Variants in PEX13 observed in about 807,000 individuals in gnomAD.
PEX13 encodes the protein peroxisomal biogenesis factor 13, also known as peroxisome biogenesis factor 13.
Under a neutral mutation model 34.5 loss-of-function variants are expected in PEX13, and 28 were observed. That is an observed-to-expected ratio of 0.81 (90% CI 0.60 to 1.11). The LOEUF (loss-of-function observed/expected upper bound fraction) is 1.11, where lower values mean the gene tolerates loss of function less well. PEX13 is among the 50% of genes most tolerant of loss of function. The probability of loss-of-function intolerance (pLI) is 0.00; values close to 1 mark genes in which losing one functional copy is unlikely to be tolerated. For missense variants in PEX13, 550 were observed against 491.0 expected (o/e 1.12, Z -1.13); for synonymous variants, 177 against 175.1 (o/e 1.01, Z -0.09).
chr2:61,023,725 C>G (rs936998217), intron 1 of PEX13, among the ~76,000 whole-genome samples: 2 of 142,142 alleles, frequency 1.4e-5, no homozygotes, highest in African/African-American at 5.2e-5. Context: ...TAAGTTTTTC[C>G]TGACTTCTTT....
chr2:61,027,240 A>G (rs1680373275), intron 1 of PEX13, among the ~76,000 whole-genome samples: 2 of 148,722 alleles, frequency 1.3e-5, no homozygotes, highest in Admixed American at 6.7e-5. Flanking sequence ...TGGGAAGCTG[A>G]GGTGGGAGGG....
At chr2:61,034,164 T>G (rs986195501) in intron 2 of PEX13, among the ~76,000 whole-genome samples, 12 of 151,984 alleles carry the variant, frequency 7.9e-5, no homozygotes, top group African/African-American at 2.9e-4. Context: ...ACCCGGTTAA[T>G]TTTTTGTATT....
chr2:61,038,837 G>A (rs1680575786), intron 2 of PEX13, among the ~76,000 whole-genome samples: 1 of 152,110 alleles, frequency 6.6e-6, no homozygotes, highest in South Asian at 2.1e-4. Context: ...CAGATGACAT[G>A]GTTGTATATT....
chr2:61,039,504 A>G (rs945516659), intron 2 of PEX13, among the ~76,000 whole-genome samples: 2 of 152,240 alleles, frequency 1.3e-5, no homozygotes, highest in Non-Finnish European at 2.9e-5. Context: ...AGGATTCCCT[A>G]TTTAATAAAT....
intron 1 of PEX13, among the ~76,000 whole-genome samples, chr2:61,023,476 G>C (rs186198757): frequency 3.1e-4 from 47 of 151,626 alleles, no homozygotes; most frequent in Admixed American, 6.6e-4. Context: ...TCAGTCTGAG[G>C]ATTCATTTCT....
chr2:61,018,288 G>A (rs778224332), intron 1 of PEX13: 2 of 1,550,342 alleles, frequency 1.3e-6, no homozygotes, highest in Middle Eastern at 1.7e-4. Context: ...AGAAGTTGCT[G>A]AAAGCCGGAA....
At chr2:61,043,744 T>C (rs1229653889) in intron 2 of PEX13, among the ~76,000 whole-genome samples, 1 of 152,218 alleles carries the variant, frequency 6.6e-6, no homozygotes, top group Non-Finnish European at 1.5e-5. Flanking sequence ...ATTGTCAGTT[T>C]TGTGAATTTT....
At chr2:61,038,629 A>G (rs572658043) in intron 2 of PEX13, among the ~76,000 whole-genome samples, 11 of 152,344 alleles carry the variant, frequency 7.2e-5, no homozygotes, top group Middle Eastern at 3.4e-3. Flanking sequence ...GGTATTTATG[A>G]CAAATCCACA....
At chr2:61,030,504 G>A (rs1158327516) in intron 1 of PEX13, among the ~76,000 whole-genome samples, 3 of 152,162 alleles carry the variant, frequency 2.0e-5, no homozygotes, top group Admixed American at 6.5e-5. Flanking sequence ...CAAGCATAGT[G>A]CTGAAGTGAT....
rs1193386347 is a variant in PEX13, at chr2:61,051,028, A to T, written c.*2258A>T. On this transcript the variant is annotated 3_prime_UTR_variant, in exon 4 of 4. Coordinates refer to ENST00000295030, the MANE Select transcript of PEX13 (RefSeq NM_002618.4). Reference sequence around the variant, plus strand: ...TACATACCCAGCATAGAAGAACTTTACTAAAGGCTTCTTGGAAAGCCCTTT... The same window carrying T: ...TACATACCCAGCATAGAAGAACTTTTCTAAAGGCTTCTTGGAAAGCCCTTT... 1 of 152,398 alleles carries T rather than the reference A, an allele frequency of 6.6e-6. No homozygotes were observed. Among genetic ancestry groups the T allele is most frequent in the Non-Finnish European group, 1.5e-5 (1 of 68,040 alleles). 9.4% of individuals were successfully genotyped at this position (152,398 alleles called of 1,614,324 possible).
intron 2 of PEX13, among the ~76,000 whole-genome samples, chr2:61,042,926 G>T (rs948489875): frequency 2.0e-5 from 3 of 152,182 alleles, no homozygotes; most frequent in Non-Finnish European, 2.9e-5. Context: ...TGACCCAATG[G>T]ATATTAATAC....
intron 1 of PEX13, among the ~76,000 whole-genome samples, chr2:61,020,296 C>G (rs372977460): frequency 3.9e-5 from 6 of 152,090 alleles, no homozygotes; most frequent in Non-Finnish European, 7.4e-5. Flanking sequence ...TTTTTTATTC[C>G]TAGATTATTT....
At chr2:61,039,656 G>A (rs1680589943) in intron 2 of PEX13, among the ~76,000 whole-genome samples, 2 of 152,024 alleles carry the variant, frequency 1.3e-5, no homozygotes, top group Non-Finnish European at 2.9e-5. Context: ...GAAAGCCTAA[G>A]CAACACCTTC....
chr2:61,048,749 T>C lies in PEX13; in HGVS notation c.1191T>C (p.Asp397=), dbSNP rs1428124212. The C allele has an allele frequency of 6.2e-7, 1 of 1,613,886 alleles. No individual in the cohort carries two copies. The highest frequency in any genetic ancestry group is 2.2e-5 in the East Asian group (1 of 44,882). The stretch of plus-strand genomic sequence containing the variant: ...TTGCACCTGATTCCATTGGGAAAGA[T>C]GGAGAAAAGCAAGATCTTTGATATC... The part of the protein sequence containing the change: ...VPVAPDSIGK[D]GEKQDL The change falls in exon 4 of 4, where the codon GAT becomes GAC. Residue 397 remains aspartate (D), a synonymous_variant. Transcript: ENST00000295030.
At chr2:61,036,568 C>T (rs1325657724) in intron 2 of PEX13, among the ~76,000 whole-genome samples, 1 of 152,142 alleles carries the variant, frequency 6.6e-6, no homozygotes, top group Non-Finnish European at 1.5e-5. Context: ...TACAGACAAG[C>T]AAATGCTGAG....
intron 2 of PEX13, among the ~76,000 whole-genome samples, chr2:61,037,500 A>G (rs1056515579): frequency 6.6e-6 from 1 of 152,224 alleles, no homozygotes; most frequent in Non-Finnish European, 1.5e-5. Flanking sequence ...AGACTGAACA[A>G]CCTGTTACTG....
intron 2 of PEX13, among the ~76,000 whole-genome samples, chr2:61,043,642 C>G (rs1279279557): frequency 1.3e-5 from 2 of 152,144 alleles, no homozygotes; most frequent in East Asian, 3.8e-4. Flanking sequence ...ATTGTATTAT[C>G]AGCAGCCACA....
In PEX13 at chr2:61,031,956, C is replaced by T; in HGVS notation, c.630C>T (p.Leu210=). ...GAAGAGGCTCTGAGAATGAAGACCTCTGGGCAGAGAGTGAAGGAACTGTGG... is the reference window on the plus strand; with the variant it reads ...GAAGAGGCTCTGAGAATGAAGACCTTTGGGCAGAGAGTGAAGGAACTGTGG... The part of the protein sequence containing the change: ...GLRRGSENED[L]WAESEGTVAC... Residue 210 remains leucine, a synonymous_variant, in exon 2 of 4, where the codon CTC becomes CTT. Coordinates refer to ENST00000295030, the MANE Select transcript of PEX13 (RefSeq NM_002618.4). The T allele has an allele frequency of 6.2e-7, 1 of 1,614,114 alleles. No individual in the cohort carries two copies.
intron 2 of PEX13, among the ~76,000 whole-genome samples, chr2:61,034,371 T>A (rs989213716): frequency 6.6e-6 from 1 of 152,200 alleles, no homozygotes; most frequent in African/African-American, 2.4e-5. Context: ...AGCTCCGGTC[T>A]GCAGCTCCCA....
Sources: allele counts gnomAD v4.1 joint callset (sites outside exome capture counted in the v4.1 genomes callset), GRCh38; gene constraint gnomAD v4.1.1; transcripts MANE v1.5; gene names NCBI Gene and HGNC (gene_info 2026-07-23, HGNC 2026-07-21).